Variants in SYT16 observed in about 807,000 individuals in gnomAD.
The protein encoded by SYT16 is synaptotagmin 16, also known as synaptotagmin-16.
SYT16 carries 42 observed loss-of-function variants against 61.4 expected under a neutral mutation model. That is an observed-to-expected ratio of 0.68 (90% CI 0.53 to 0.89). The LOEUF (loss-of-function observed/expected upper bound fraction) is 0.89. SYT16 is among the 40% of genes least tolerant of loss of function. SYT16 has a pLI of 0.00. For synonymous variants in SYT16, 314 were observed against 302.3 expected (o/e 1.04, Z -0.40); for missense variants, 804 against 807.3 (o/e 1.00, Z 0.05).
At chr14:62,089,065 C>A (rs2056981690) in intron 7 of SYT16, among the ~76,000 whole-genome samples, 1 of 151,596 alleles carries the variant, frequency 6.6e-6, no homozygotes, top group East Asian at 1.9e-4. Context: ...TGCCTGTAAT[C>A]CCAGCACTTT....
chr14:61,947,278 G>GTA (rs1471342216), intron 1 of SYT16, among the ~76,000 whole-genome samples: 2 of 129,780 alleles, frequency 1.5e-5, no homozygotes, highest in African/African-American at 3.5e-5. Context: ...GTGTGTGTGT[G>GTA]TGTGTGTGTG....
intron 1 of SYT16, among the ~76,000 whole-genome samples, chr14:61,859,398 G>A (rs1387774512): frequency 6.6e-6 from 1 of 152,052 alleles, no homozygotes; most frequent in African/African-American, 2.4e-5. Flanking sequence ...GGCGTGCTAT[G>A]TAAACTTCAC....
intron 3 of SYT16, among the ~76,000 whole-genome samples, chr14:62,055,068 A>C (rs1161924846): frequency 2.0e-5 from 3 of 152,196 alleles, no homozygotes; most frequent in Non-Finnish European, 4.4e-5. Flanking sequence ...GATTCATTGG[A>C]GTGATAGAGA....
intron 3 of SYT16, among the ~76,000 whole-genome samples, chr14:62,048,783 G>T (rs961797506): frequency 2.6e-5 from 4 of 152,060 alleles, no homozygotes; most frequent in African/African-American, 7.2e-5. Flanking sequence ...GTATTTGAGG[G>T]GTTTTGAGTG....
intron 1 of SYT16, among the ~76,000 whole-genome samples, chr14:61,851,222 C>G (rs1015436937): frequency 1.3e-5 from 2 of 152,160 alleles, no homozygotes; most frequent in African/African-American, 4.8e-5. Context: ...CACCCATGTC[C>G]CTGCAAAGGA....
At chr14:62,057,065 C>T (rs2140906846) in intron 3 of SYT16, among the ~76,000 whole-genome samples, 1 of 152,282 alleles carries the variant, frequency 6.6e-6, no homozygotes, top group African/African-American at 2.4e-5. Context: ...GTGCAAAGGC[C>T]CCGTGGTCAG....
intron 1 of SYT16, among the ~76,000 whole-genome samples, chr14:61,924,417 A>G (rs189071150): frequency 1.5e-3 from 227 of 152,346 alleles, no homozygotes; most frequent in Non-Finnish European, 2.8e-3. Context: ...CAGTTTAACC[A>G]GAGAGTAGAA....
At chr14:61,817,010 C>CAAAAAAAAA (rs1491408669) in intron 1 of SYT16, among the ~76,000 whole-genome samples, 1 of 3,988 alleles carries the variant, frequency 2.5e-4, no homozygotes, top group African/African-American at 3.6e-4. Context: ...GGCTCCGTCA[C>CAAAAAAAAA]ACACACACAC....
intron 2 of SYT16, among the ~76,000 whole-genome samples, chr14:61,977,449 G>A (rs1163404476): frequency 2.0e-5 from 3 of 152,100 alleles, no homozygotes; most frequent in African/African-American, 7.2e-5. Flanking sequence ...AGAAGGAGAT[G>A]GGGAGGCAGG....
intron 3 of SYT16, among the ~76,000 whole-genome samples, chr14:62,034,338 G>C (rs766786825): frequency 6.6e-5 from 10 of 152,136 alleles, no homozygotes; most frequent in African/African-American, 9.7e-5. Context: ...GAACCCAGCA[G>C]TGCCACTCCT....
intron 1 of SYT16, among the ~76,000 whole-genome samples, chr14:61,855,467 G>C (rs1003697778): frequency 6.6e-6 from 1 of 152,200 alleles, no homozygotes; most frequent in Non-Finnish European, 1.5e-5. Context: ...CTGGCCTAGA[G>C]TTGGGCAAAC....
intron 3 of SYT16, among the ~76,000 whole-genome samples, chr14:62,020,571 C>T (rs183444461): frequency 3.5e-4 from 54 of 152,320 alleles, no homozygotes; most frequent in Admixed American, 9.8e-4. Context: ...AACGGAGATT[C>T]CCTTTCAACT....
intron 1 of SYT16, among the ~76,000 whole-genome samples, chr14:61,896,087 T>G (rs1380622360): frequency 1.3e-5 from 2 of 152,092 alleles, no homozygotes; most frequent in Non-Finnish European, 2.9e-5. Flanking sequence ...TTTTTTTTTT[T>G]TTGGAACTTG....
chr14:62,045,234 G>C (rs2054921982), intron 3 of SYT16, among the ~76,000 whole-genome samples: 1 of 152,090 alleles, frequency 6.6e-6, no homozygotes, highest in Non-Finnish European at 1.5e-5. Flanking sequence ...TTGATCTACT[G>C]TATAAATTAT....
At chr14:61,975,461 C>A (rs1395672183) in intron 2 of SYT16, among the ~76,000 whole-genome samples, 3 of 152,148 alleles carry the variant, frequency 2.0e-5, no homozygotes, top group African/African-American at 7.2e-5. Context: ...ACTCACGGTT[C>A]AGCATGTCTG....
At chr14:62,017,570 T>G (rs2053740642) in intron 3 of SYT16, among the ~76,000 whole-genome samples, 1 of 152,226 alleles carries the variant, frequency 6.6e-6, no homozygotes, top group South Asian at 2.1e-4. Context: ...TTAAAAATCT[T>G]GGAGTTATTC....
rs1053184542 is a variant in SYT16 at position 62,105,453 on chromosome 14, C to T, written c.*4746C>T. 8 of 152,120 alleles carry T rather than the reference C, an allele frequency of 5.3e-5. No individual in the cohort carries two copies. Among genetic ancestry groups the T allele is most frequent in the African/African-American group, 1.9e-4 (8 of 41,406 alleles). The allele number at this position is 152,120 out of a possible 1,614,324, so 9.4% of individuals were successfully genotyped here. On this transcript the variant is annotated 3_prime_UTR_variant, in exon 8 of 8. Transcript: ENST00000683842. ...ATATATCCATTTTATATCCTGATAGCCAAACATTTTAAAATACTCTAATAA... is the reference window on the plus strand; with the variant it reads ...ATATATCCATTTTATATCCTGATAGTCAAACATTTTAAAATACTCTAATAA...
chr14:61,974,182 G>C (rs1285984776), intron 2 of SYT16, among the ~76,000 whole-genome samples: 4 of 152,294 alleles, frequency 2.6e-5, no homozygotes, highest in Non-Finnish European at 4.4e-5. Context: ...GCCTGACCCT[G>C]GTGGTGGGAG....
At chr14:61,832,081 C>T (rs1004381183) in intron 1 of SYT16, 1 of 724,530 alleles carries the variant, frequency 1.4e-6, no homozygotes, top group East Asian at 2.6e-5. Flanking sequence ...CACTCGTTCA[C>T]GCCCCTGTTC....
Sources: gnomAD v4.1 joint callset for allele counts (sites outside exome capture counted in the v4.1 genomes callset) on GRCh38, gnomAD v4.1.1 for gene constraint, MANE v1.5 for transcripts, NCBI Gene and HGNC (gene_info 2026-07-23, HGNC 2026-07-21) for gene names.